Variants in VAT1L observed in about 807,000 individuals in gnomAD.
VAT1L encodes the protein vesicle amine transport 1 like.
A neutral mutation model predicts 44.1 loss-of-function variants in VAT1L; 34 were observed. That is an observed-to-expected ratio of 0.77 (90% CI 0.59 to 1.03). The LOEUF is 1.03. Among genes scored for constraint, VAT1L ranks in the 50% least tolerant of loss-of-function variants. The pLI is 0.00. For synonymous variants in VAT1L, 253 were observed against 202.2 expected, an observed-to-expected ratio of 1.25 and a Z score of -2.13; for missense variants, 615 against 538.8, an observed-to-expected ratio of 1.14 and a Z score of -1.40.
chr16:77,800,378 A>T (rs9931032), intron 1 of VAT1L: 2 of 152,116 alleles, frequency 1.3e-5, no homozygotes, highest in African/African-American at 2.4e-5. Context: ...CCTGCAATAC[A>T]TGGGATTATC....
chr16:77,914,025 C>T (rs1415779243), intron 7 of VAT1L, among the ~76,000 whole-genome samples: 1 of 152,158 alleles, frequency 6.6e-6, no homozygotes, highest in East Asian at 1.9e-4. Flanking sequence ...AAACCAAAGC[C>T]ACTCACTCAC....
At chr16:77,871,670 A>T (rs1005342896) in intron 4 of VAT1L, among the ~76,000 whole-genome samples, 2 of 152,206 alleles carry the variant, frequency 1.3e-5, no homozygotes, top group Non-Finnish European at 2.9e-5. Flanking sequence ...GGGGATAATG[A>T]TGGCCCCAGA....
At chr16:77,886,685 T>C (rs993850868) in intron 7 of VAT1L, among the ~76,000 whole-genome samples, 1 of 152,292 alleles carries the variant, frequency 6.6e-6, no homozygotes, top group East Asian at 1.9e-4. Flanking sequence ...TAGGAGGAGA[T>C]AGAAAATACT....
chr16:77,965,156 CAG>C (rs1231951550), intron 7 of VAT1L, among the ~76,000 whole-genome samples: 1 of 152,086 alleles, frequency 6.6e-6, no homozygotes, highest in Admixed American at 6.6e-5. Flanking sequence ...TCCCCCAGGA[CAG>C]AGAGAGAACA....
At chr16:77,903,926 C>T (rs1311027212) in intron 7 of VAT1L, among the ~76,000 whole-genome samples, 1 of 151,746 alleles carries the variant, frequency 6.6e-6, no homozygotes, top group Non-Finnish European at 1.5e-5. Flanking sequence ...TTAGTAAAGA[C>T]AGGGTTTCAC....
rs547084878 is a variant in VAT1L, at chr16:77,971,880, C to A, written c.1108C>A (p.Arg370=). 2 of 1,613,758 alleles carry A rather than the reference C, an allele frequency of 1.2e-6. No individual in the cohort carries two copies. The highest frequency in any genetic ancestry group is 1.3e-5 in the African/African-American group (1 of 74,996). ...VKEAMQRIHD[R]GNIGKLILDV... ...GGAGGCCATGCAGCGGATTCACGAC[C>A]GAGGGAACATTGGCAAGTTAATTCT... The change falls in exon 8 of 9, where the codon CGA becomes AGA. Residue 370 remains arginine (R), a synonymous_variant. Coordinates refer to ENST00000302536, the MANE Select transcript of VAT1L (RefSeq NM_020927.3).
chr16:77,960,115 TC>T (rs2018145427), intron 7 of VAT1L, among the ~76,000 whole-genome samples: 1 of 152,072 alleles, frequency 6.6e-6, no homozygotes, highest in Non-Finnish European at 1.5e-5. Flanking sequence ...CATAACACCA[TC>T]TTACCAAGTG....
At position 77,977,762 on chromosome 16, in the gene VAT1L, T is replaced by G; in HGVS notation, c.*67T>G. 6.8e-7 allele frequency: 1 copy of G among 1,467,024 alleles called. No individual in the cohort carries two copies. The highest frequency in any genetic ancestry group is 1.2e-5 in the South Asian group (1 of 83,328). The allele number at this position is 1,467,024 out of a possible 1,614,324, so 90.9% of individuals were successfully genotyped here. A position where few individuals can be genotyped will look rare whatever the true frequency, so the allele number is the denominator to read the frequency against. ...ATGAGGACCCGGCTGAGAAAACTCT[T>G]CTGTGCCCCAGTGAACAAATGCTGT... On this transcript the variant is annotated 3_prime_UTR_variant, in exon 9 of 9. Transcript: ENST00000302536.
At chr16:77,970,864 G>T (rs2018271494) in intron 7 of VAT1L, among the ~76,000 whole-genome samples, 1 of 152,236 alleles carries the variant, frequency 6.6e-6, no homozygotes, top group African/African-American at 2.4e-5. Flanking sequence ...TTCCTCAAAG[G>T]CAGGCACTGT....
chr16:77,829,512 A>T (rs1048545023), intron 3 of VAT1L, among the ~76,000 whole-genome samples: 2 of 152,328 alleles, frequency 1.3e-5, no homozygotes, highest in Non-Finnish European at 2.9e-5. Flanking sequence ...TCTCATTGGA[A>T]TTGCCCACTG....
At chr16:77,912,200 C>T (rs1049534356) in intron 7 of VAT1L, among the ~76,000 whole-genome samples, 7 of 152,188 alleles carry the variant, frequency 4.6e-5, no homozygotes, top group African/African-American at 1.4e-4. Context: ...TAAGTGAGTT[C>T]TCTTTAGTTG....
intron 3 of VAT1L, among the ~76,000 whole-genome samples, chr16:77,855,287 C>G (rs1442774291): frequency 6.6e-6 from 1 of 151,532 alleles, no homozygotes. Flanking sequence ...TTACGGTGAG[C>G]CGAGATCGTG....
intron 3 of VAT1L, among the ~76,000 whole-genome samples, chr16:77,827,232 T>C (rs1351671688): frequency 6.6e-6 from 1 of 152,220 alleles, no homozygotes; most frequent in East Asian, 1.9e-4. Context: ...ATGCTGGCAT[T>C]TATGATCTTA....
At chr16:77,880,445 C>T (rs1357773165) in intron 6 of VAT1L, among the ~76,000 whole-genome samples, 2 of 152,022 alleles carry the variant, frequency 1.3e-5, no homozygotes, top group African/African-American at 4.8e-5. Context: ...TAGGTGTGAG[C>T]CATCGTACTC....
intron 3 of VAT1L, among the ~76,000 whole-genome samples, chr16:77,855,628 T>C (rs541561530): frequency 6.6e-6 from 1 of 152,372 alleles, no homozygotes; most frequent in East Asian, 1.9e-4. Context: ...ATTTTATTAA[T>C]GTCTGTCATC....
At chr16:77,850,404 A>G (rs759944259) in intron 3 of VAT1L, among the ~76,000 whole-genome samples, 3 of 152,324 alleles carry the variant, frequency 2.0e-5, no homozygotes, top group Non-Finnish European at 4.4e-5. Flanking sequence ...TCCAAGGATC[A>G]GAATCCAAGT....
chr16:77,959,738 AG>A (rs2018141684), intron 7 of VAT1L, among the ~76,000 whole-genome samples: 1 of 152,218 alleles, frequency 6.6e-6, no homozygotes, highest in African/African-American at 2.4e-5. Context: ...CCCCAAACAA[AG>A]ACTGAGGATT....
chr16:77,938,268 G>A (rs2017828349), intron 7 of VAT1L, among the ~76,000 whole-genome samples: 1 of 152,176 alleles, frequency 6.6e-6, no homozygotes, highest in African/African-American at 2.4e-5. Context: ...GCTGGATCCT[G>A]ATTCAACAGA....
chr16:77,889,903 A>T (rs569993497), intron 7 of VAT1L, among the ~76,000 whole-genome samples: 1 of 152,082 alleles, frequency 6.6e-6, no homozygotes, highest in African/African-American at 2.4e-5. Context: ...CCCGGCCAAC[A>T]GGGTGAAGCC....
Sources: allele counts gnomAD v4.1 joint callset (sites outside exome capture counted in the v4.1 genomes callset), GRCh38; gene constraint gnomAD v4.1.1; transcripts MANE v1.5; gene names NCBI Gene and HGNC (gene_info 2026-07-23, HGNC 2026-07-21).